Variants in CHKA observed in about 807,000 individuals in gnomAD.
CHKA encodes the protein choline kinase alpha, also known as CHETK-alpha.
CHKA carries 34 observed loss-of-function variants against 60.1 expected under a neutral mutation model. That is an observed-to-expected ratio of 0.57 (90% CI 0.43 to 0.75). The LOEUF (loss-of-function observed/expected upper bound fraction) is 0.75, where lower values mean the gene tolerates loss of function less well. Ranked by LOEUF, CHKA falls within the 30% of genes least tolerant of loss-of-function variation. CHKA has a pLI of 0.00. For synonymous variants in CHKA, 217 were observed against 223.1 expected, an observed-to-expected ratio of 0.97 and a Z score of 0.24; for missense variants, 563 against 561.3, an observed-to-expected ratio of 1.00 and a Z score of -0.03.
chr11:68,108,191 A>G (rs1185828844), intron 1 of CHKA, among the ~76,000 whole-genome samples: 1 of 152,128 alleles, frequency 6.6e-6, no homozygotes, highest in African/African-American at 2.4e-5. Flanking sequence ...AGTGGCACAC[A>G]CCTGTAGTCC....
At chr11:68,119,693 C>A (rs1408740534) in intron 1 of CHKA, among the ~76,000 whole-genome samples, 2 of 152,116 alleles carry the variant, frequency 1.3e-5, no homozygotes, top group Non-Finnish European at 2.9e-5. Context: ...TGGTCTCGAT[C>A]TCCCGACCTC....
At position 68,070,874 on chromosome 11, in the gene CHKA, A is replaced by C. The variant is rs760724394; in HGVS notation, c.631-17T>G. On this transcript the variant is annotated splice_polypyrimidine_tract_variant and intron_variant, in intron 4 of 11. Coordinates refer to ENST00000265689, the MANE Select transcript of CHKA (RefSeq NM_001277.3). The stretch of plus-strand genomic sequence containing the variant: ...TCGCCGGCTCTGAAAAAGAAAAGGG[A>C]GTTAAAAACTGACATTTACCAAGTA... The C allele has an allele frequency of 6.2e-7, 1 of 1,601,430 alleles. No homozygotes were observed.
intron 3 of CHKA, among the ~76,000 whole-genome samples, chr11:68,078,719 T>C (rs1171583390): frequency 6.6e-6 from 1 of 152,136 alleles, no homozygotes; most frequent in Admixed American, 6.6e-5. Flanking sequence ...AAGCTGAAAT[T>C]GAGGAGACAT....
At chr11:68,089,505 C>T (rs1378967262) in intron 2 of CHKA, among the ~76,000 whole-genome samples, 7 of 152,094 alleles carry the variant, frequency 4.6e-5, no homozygotes, top group Admixed American at 4.6e-4. Context: ...GAAGGAAGAA[C>T]TTGATTACTT....
At chr11:68,080,879 T>C (rs1856965635) in intron 3 of CHKA, among the ~76,000 whole-genome samples, 1 of 152,214 alleles carries the variant, frequency 6.6e-6, no homozygotes, top group Non-Finnish European at 1.5e-5. Context: ...CCTCAAGCCA[T>C]CTGCACATGT....
At chr11:68,094,478 C>T (rs1857439859) in intron 2 of CHKA, among the ~76,000 whole-genome samples, 1 of 152,146 alleles carries the variant, frequency 6.6e-6, no homozygotes, top group Admixed American at 6.5e-5. Context: ...GAGGTCGAGG[C>T]TGCAGTGAGC....
chr11:68,089,333 C>T lies in CHKA; in HGVS notation c.462+7686G>A, dbSNP rs189277803. Among the ~76,000 whole-genome samples the T allele has an allele frequency of 5.0e-4, 76 of 152,316 alleles. 2 individuals carry two copies. The highest frequency in any genetic ancestry group is 8.5e-4 in the Non-Finnish European group (58 of 68,016). ...AACACTTTTACGGGAAGTGTGCCTT[C>T]ACTACATCAAGTCAGCACTGCAGAG... On this transcript the variant is annotated intron_variant, in intron 2 of 11. Coordinates refer to ENST00000265689, the MANE Select transcript of CHKA (RefSeq NM_001277.3).
At chr11:68,066,156 G>A (rs1856437024) in intron 8 of CHKA, among the ~76,000 whole-genome samples, 1 of 152,178 alleles carries the variant, frequency 6.6e-6, no homozygotes, top group Admixed American at 6.5e-5. Flanking sequence ...GGATTTATGA[G>A]AAGAAAATGA....
intron 1 of CHKA, among the ~76,000 whole-genome samples, chr11:68,108,785 A>ACCTT (rs1565194028): frequency 6.6e-6 from 1 of 152,178 alleles, no homozygotes; most frequent in Non-Finnish European, 1.5e-5. Context: ...CTGCCTCCCA[A>ACCTT]ATTGGACAGA....
rs551002220 is a variant in CHKA at position 68,084,414 on chromosome 11, A to G, written c.463-2957T>C. ...TACACACATATACGTATATATGTGTATATATATATACACATATATATACGT... is the reference window on the plus strand; with the variant it reads ...TACACACATATACGTATATATGTGTGTATATATATACACATATATATACGT... On this transcript the variant is annotated intron_variant, in intron 2 of 11. Coordinates refer to ENST00000265689, the MANE Select transcript of CHKA (RefSeq NM_001277.3). 2.3e-3 allele frequency among the ~76,000 whole-genome samples: 155 copies of G among 68,736 alleles called. 2 individuals are homozygous for G. The South Asian group carries it at 0.034, about 15-fold the overall frequency. 45.1% of individuals were successfully genotyped at this position (68,736 alleles called of 152,430 possible). A position where few individuals can be genotyped will look rare whatever the true frequency, so the allele number is the denominator to read the frequency against.
chr11:68,084,475 G>C (rs1590858063), intron 2 of CHKA, among the ~76,000 whole-genome samples: 1 of 143,354 alleles, frequency 7.0e-6, no homozygotes, highest in East Asian at 2.0e-4. Flanking sequence ...GGAATCCGTG[G>C]GATTTTACTT....
At chr11:68,084,583 C>T (rs983078964) in intron 2 of CHKA, among the ~76,000 whole-genome samples, 6 of 150,634 alleles carry the variant, frequency 4.0e-5, no homozygotes, top group Admixed American at 4.0e-4. Context: ...AAAAATTATC[C>T]TCTATAAGTT....
intron 1 of CHKA, among the ~76,000 whole-genome samples, chr11:68,119,598 T>C (rs1013397474): frequency 1.3e-5 from 2 of 152,120 alleles, no homozygotes; most frequent in African/African-American, 2.4e-5. Flanking sequence ...GCCTCCCAAG[T>C]AGCTGGGACT....
At position 68,097,124 on chromosome 11, in the gene CHKA, G is replaced by A; in HGVS notation, c.357C>T (p.Gly119=). Residue 119 remains glycine, a synonymous_variant, in exon 2 of 12, where the codon GGC becomes GGT. Coordinates refer to ENST00000265689, the MANE Select transcript of CHKA (RefSeq NM_001277.3). ...AGCACTGGAACAGCATGTTGCTAAG[G>A]CCGCCTCTGTCAGAAATAAGAGGAC... ...DEFHISVIRG[G]LSNMLFQCSL... 6.2e-7 allele frequency: 1 copy of A among 1,612,632 alleles called. No homozygotes were observed. The highest frequency in any genetic ancestry group is 1.1e-5 in the South Asian group (1 of 90,806).
Position 68,062,005 on chromosome 11 carries a change from C to A in CHKA, c.1262G>T (p.Gly421Val). 1.3e-6 allele frequency: 2 copies of A among 1,598,140 alleles called. No individual in the cohort carries two copies. The highest frequency in any genetic ancestry group is 8.5e-7 in the Non-Finnish European group (1 of 1,171,842). The change falls in exon 11 of 12, where the codon GGA becomes GTA. Residue 421 changes from glycine to valine, a missense_variant. Coordinates refer to ENST00000265689, the MANE Select transcript of CHKA (RefSeq NM_001277.3). ...CTTGGCTTGTACAATGGACCACAGT[C>A]CCCAGAGGAAATGAGATGCAAGGGC... ...RFALASHFLWGLWSIVQAKIS... is the reference protein window; with the variant it reads ...RFALASHFLWVLWSIVQAKIS...
intron 11 of CHKA, among the ~76,000 whole-genome samples, chr11:68,059,884 C>T (rs1378557972): frequency 1.3e-5 from 2 of 152,204 alleles, no homozygotes; most frequent in Non-Finnish European, 2.9e-5. Flanking sequence ...AATGAACATG[C>T]ATGAGGCCAG....
intron 2 of CHKA, among the ~76,000 whole-genome samples, chr11:68,085,789 C>T (rs1022767448): frequency 1.3e-5 from 2 of 151,868 alleles, no homozygotes; most frequent in African/African-American, 2.4e-5. Flanking sequence ...TTTGAGACAG[C>T]GTCTCACTCT....
At chr11:68,079,466 A>G (rs2134583413) in intron 3 of CHKA, among the ~76,000 whole-genome samples, 1 of 152,228 alleles carries the variant, frequency 6.6e-6, no homozygotes, top group Admixed American at 6.5e-5. Flanking sequence ...AGTAGCTAGG[A>G]CTACAGGCGC....
In CHKA at chr11:68,064,632, C is replaced by A; in HGVS notation, c.1126-1G>T. 6.4e-7 allele frequency: 1 copy of A among 1,563,162 alleles called. No individual in the cohort carries two copies. Among genetic ancestry groups the A allele is most frequent in the Non-Finnish European group, 8.7e-7 (1 of 1,149,560 alleles). On this transcript the variant is annotated splice_acceptor_variant, in intron 9 of 11. Coordinates refer to ENST00000265689, the MANE Select transcript of CHKA (RefSeq NM_001277.3). LOFTEE classifies it high-confidence loss of function. ...GCAAGTAACTGGAAATAAAATGGAG[C>A]TTAAAAAAAAGTAATTGTGTTAGGA...
Sources: allele counts gnomAD v4.1 joint callset (sites outside exome capture counted in the v4.1 genomes callset), GRCh38; gene constraint gnomAD v4.1.1; transcripts MANE v1.5; gene names NCBI Gene and HGNC (gene_info 2026-07-23, HGNC 2026-07-21).